SULF1: variants seen among roughly 807,000 people sequenced by gnomAD.
SULF1 encodes the protein extracellular sulfatase Sulf-1.
Under a neutral mutation model 110.5 loss-of-function variants are expected in SULF1, and 46 were observed. That is an observed-to-expected ratio of 0.42 (90% CI 0.33 to 0.53). SULF1 has a LOEUF of 0.53. Among genes scored for constraint, SULF1 ranks in the 20% least tolerant of loss-of-function variants. The pLI, the probability that SULF1 is intolerant of heterozygous loss-of-function variation, is 0.12. For synonymous variants in SULF1, 371 were observed against 387.1 expected (o/e 0.96, Z 0.49); for missense variants, 941 against 1,094.2 (o/e 0.86, Z 1.98).
At chr8:69,473,480 G>T (rs773642947) in intron 1 of SULF1, among the ~76,000 whole-genome samples, 1 of 152,222 alleles carries the variant, frequency 6.6e-6, no homozygotes, top group Non-Finnish European at 1.5e-5. Context: ...TAGAAGGCTT[G>T]TGATGGGAGT....
At chr8:69,533,484 A>G (rs377117881) in intron 3 of SULF1, among the ~76,000 whole-genome samples, 4 of 152,084 alleles carry the variant, frequency 2.6e-5, no homozygotes, top group African/African-American at 9.6e-5. Flanking sequence ...GCTCCCACTT[A>G]TAAGTGAGAA....
rs115145797 is a variant in SULF1, at chr8:69,576,348, C to T, written c.412+139C>T. The T allele has an allele frequency of 6.4e-4, 617 of 958,036 alleles. 8 individuals carry two copies. The African/African-American group carries it at 9.2e-3, about 14-fold the overall frequency. The allele number at this position is 958,036 out of a possible 1,614,324, so 59.3% of individuals were successfully genotyped here. On this transcript the variant is annotated intron_variant, in intron 6 of 22. Coordinates refer to ENST00000402687, the MANE Select transcript of SULF1 (RefSeq NM_001128205.2). ...GTGTTTTTAAACTGCTTGACATCTACCCCAGGGTCTGGGACACAGTAAATG... is the reference window on the plus strand; with the variant it reads ...GTGTTTTTAAACTGCTTGACATCTATCCCAGGGTCTGGGACACAGTAAATG...
intron 21 of SULF1, among the ~76,000 whole-genome samples, chr8:69,640,095 G>A (rs989945212): frequency 1.5e-4 from 23 of 149,824 alleles, no homozygotes; most frequent in Admixed American, 1.1e-3. Flanking sequence ...GAGGGAGGGA[G>A]GGAGAGAGAG....
intron 13 of SULF1, among the ~76,000 whole-genome samples, chr8:69,607,005 TA>T (rs1258797719): frequency 6.6e-6 from 1 of 152,132 alleles, no homozygotes; most frequent in Non-Finnish European, 1.5e-5. Flanking sequence ...ACCTGGAGAG[TA>T]TTTCAGATTG....
chr8:69,628,013 A>G, intron 17 of SULF1, 147 bp downstream of exon 17: 2 of 873,206 alleles, frequency 2.3e-6, no homozygotes, highest in South Asian at 1.6e-5. Flanking sequence ...AAAACTAAAT[A>G]TGCTTAAACT....
intron 5 of SULF1, among the ~76,000 whole-genome samples, chr8:69,570,961 C>T (rs1274784531): frequency 3.9e-5 from 6 of 152,218 alleles, no homozygotes; most frequent in African/African-American, 1.4e-4. Flanking sequence ...GCTACACAGA[C>T]ATAATCACGG....
intron 6 of SULF1, among the ~76,000 whole-genome samples, chr8:69,584,201 A>G (rs1806284267): frequency 6.6e-6 from 1 of 152,196 alleles, no homozygotes; most frequent in African/African-American, 2.4e-5. Context: ...AAGACCCTCC[A>G]TCCTGGCTGG....
chr8:69,501,507 C>G (rs895108480), intron 2 of SULF1, among the ~76,000 whole-genome samples: 2 of 152,200 alleles, frequency 1.3e-5, no homozygotes, highest in African/African-American at 4.8e-5. Flanking sequence ...TAAAATAGGT[C>G]TCCCAACCTG....
At chr8:69,596,792 C>G (rs906506000) in intron 8 of SULF1, among the ~76,000 whole-genome samples, 2 of 152,044 alleles carry the variant, frequency 1.3e-5, no homozygotes, top group African/African-American at 4.8e-5. Flanking sequence ...AGAGTTGCTG[C>G]AACAATCAAA....
intron 1 of SULF1, among the ~76,000 whole-genome samples, chr8:69,487,519 G>A (rs545914250): frequency 2.0e-4 from 31 of 152,254 alleles, no homozygotes; most frequent in Admixed American, 1.9e-3. Flanking sequence ...AATTTAATGA[G>A]GACTATTTGT....
intron 3 of SULF1, among the ~76,000 whole-genome samples, chr8:69,541,881 G>C (rs758662121): frequency 6.6e-6 from 1 of 152,188 alleles, no homozygotes; most frequent in Admixed American, 6.5e-5. Flanking sequence ...GCTCAGAACT[G>C]TGAAGGCACC....
chr8:69,645,064 G>A (rs1354393362), intron 22 of SULF1, among the ~76,000 whole-genome samples: 1 of 152,156 alleles, frequency 6.6e-6, no homozygotes, highest in East Asian at 1.9e-4. Context: ...GGACACTTGG[G>A]GTGAAAGTCG....
chr8:69,650,710 ATTAT>A (rs1226971533), intron 22 of SULF1, among the ~76,000 whole-genome samples: 2 of 152,162 alleles, frequency 1.3e-5, no homozygotes, highest in South Asian at 2.1e-4. Context: ...TCTTGCTATC[ATTAT>A]TTATTTTGAT....
intron 3 of SULF1, among the ~76,000 whole-genome samples, chr8:69,502,356 T>C (rs989282065): frequency 6.6e-6 from 1 of 152,176 alleles, no homozygotes; most frequent in Admixed American, 6.5e-5. Flanking sequence ...GAGTGAAAGC[T>C]GTACAGATAT....
At chr8:69,539,686 G>A (rs559735036) in intron 3 of SULF1, among the ~76,000 whole-genome samples, 12 of 152,276 alleles carry the variant, frequency 7.9e-5, no homozygotes, top group East Asian at 3.9e-4. Context: ...CTCGAGTCTC[G>A]GGGAGGGACA....
intron 19 of SULF1, among the ~76,000 whole-genome samples, chr8:69,635,698 C>T (rs868765947): frequency 6.6e-6 from 1 of 152,106 alleles, no homozygotes; most frequent in Non-Finnish European, 1.5e-5. Context: ...ATGCCAAGAC[C>T]AATCTCTACA....
intron 19 of SULF1, among the ~76,000 whole-genome samples, chr8:69,631,510 C>T (rs1810542621): frequency 2.0e-5 from 3 of 152,322 alleles, no homozygotes; most frequent in South Asian, 4.1e-4. Context: ...GAGCTGTGAT[C>T]GTGCCCTCAC....
At chr8:69,618,339 T>C (rs1324845343) in intron 13 of SULF1, among the ~76,000 whole-genome samples, 1 of 152,222 alleles carries the variant, frequency 6.6e-6, no homozygotes, top group East Asian at 1.9e-4. Context: ...ATTTCGTCTG[T>C]ATTGAACCTG....
intron 1 of SULF1, among the ~76,000 whole-genome samples, chr8:69,493,540 G>A (rs1196223815): frequency 1.3e-5 from 2 of 151,842 alleles, no homozygotes; most frequent in Non-Finnish European, 2.9e-5. Context: ...GTTAGACAAG[G>A]AGAAATGATG....
Sources: allele counts gnomAD v4.1 joint callset (sites outside exome capture counted in the v4.1 genomes callset), GRCh38; gene constraint gnomAD v4.1.1; transcripts MANE v1.5; gene names NCBI Gene and HGNC (gene_info 2026-07-23, HGNC 2026-07-21).